CDK14: variants seen among roughly 807,000 people sequenced by gnomAD.
CDK14 encodes cyclin dependent kinase 14, also known as cyclin-dependent kinase 14.
In CDK14, 34 loss-of-function variants were observed where a neutral mutation model predicts 60.7. The observed-to-expected ratio is 0.56, with a 90% CI of 0.43 to 0.75. The LOEUF is 0.75. Among genes scored for constraint, CDK14 ranks in the 30% least tolerant of loss-of-function variants. The pLI, the probability that CDK14 is intolerant of heterozygous loss-of-function variation, is 0.00. For missense variants in CDK14, 482 were observed against 564.1 expected (o/e 0.85, Z 1.47); for synonymous variants, 197 against 203.7 (o/e 0.97, Z 0.28).
intron 14 of CDK14, among the ~76,000 whole-genome samples, chr7:91,139,377 T>G (rs1419319276): frequency 6.6e-6 from 1 of 152,194 alleles, no homozygotes; most frequent in Non-Finnish European, 1.5e-5. Context: ...TATGTGTGCA[T>G]GTGCATTTAT....
chr7:90,976,981 G>A (rs774784007), intron 9 of CDK14, among the ~76,000 whole-genome samples: 62 of 152,046 alleles, frequency 4.1e-4, no homozygotes, highest in Non-Finnish European at 8.4e-4. Context: ...TTTTACTTTT[G>A]TTGCCTGTGC....
At chr7:90,666,608 C>T (rs1251476438) in intron 2 of CDK14, among the ~76,000 whole-genome samples, 1 of 152,150 alleles carries the variant, frequency 6.6e-6, no homozygotes, top group African/African-American at 2.4e-5. Context: ...CTGTCAATAT[C>T]TTGAGAAATG....
rs536641686 is a variant in CDK14 at position 91,141,799 on chromosome 7, T to G, written c.*28+23591T>G. Among the ~76,000 whole-genome samples the G allele has an allele frequency of 4.2e-3, 636 of 150,086 alleles. 9 individuals are homozygous for G. Among genetic ancestry groups the G allele is most frequent in the African/African-American group, 0.015 (610 of 40,880 alleles). ...CTAGGATTTGCCTAAAACAGTGGGTTTTGTTGTTGTTGTTGTTGTTGTTGT... is the reference window on the plus strand; with the variant it reads ...CTAGGATTTGCCTAAAACAGTGGGTGTTGTTGTTGTTGTTGTTGTTGTTGT... On this transcript the variant is annotated intron_variant, in intron 14 of 14. Transcript: ENST00000380050.
chr7:91,028,200 T>A (rs1796655430), intron 10 of CDK14, among the ~76,000 whole-genome samples: 1 of 151,472 alleles, frequency 6.6e-6, no homozygotes, highest in African/African-American at 2.4e-5. Context: ...TCCAGTTCCA[T>A]CCAAGTTGCT....
intron 2 of CDK14, among the ~76,000 whole-genome samples, chr7:90,696,423 C>T (rs567338757): frequency 6.7e-6 from 1 of 149,734 alleles, no homozygotes; most frequent in Non-Finnish European, 1.5e-5. Flanking sequence ...TCACTGCAAC[C>T]TCCGCCTCCC....
intron 14 of CDK14, among the ~76,000 whole-genome samples, chr7:91,202,460 A>G (rs1245986922): frequency 3.9e-5 from 6 of 152,214 alleles, no homozygotes; most frequent in Non-Finnish European, 5.9e-5. Flanking sequence ...TGTGTTGTGC[A>G]TGCAACATGT....
chr7:91,052,005 G>A (rs904263618), intron 11 of CDK14, among the ~76,000 whole-genome samples: 7 of 152,136 alleles, frequency 4.6e-5, no homozygotes, highest in African/African-American at 1.2e-4. Context: ...AGATCAGGGC[G>A]GAATACACGT....
At chr7:91,125,678 G>GA (rs1408464176) in intron 14 of CDK14, among the ~76,000 whole-genome samples, 14 of 150,070 alleles carry the variant, frequency 9.3e-5, no homozygotes, top group South Asian at 2.1e-4. Context: ...ACACAATCTA[G>GA]AAAAAAAAAT....
intron 2 of CDK14, among the ~76,000 whole-genome samples, chr7:90,694,488 A>G (rs1206941991): frequency 6.6e-6 from 1 of 152,186 alleles, no homozygotes; most frequent in Admixed American, 6.5e-5. Flanking sequence ...CAGGACTTTT[A>G]ATATGCCCCT....
intron 2 of CDK14, among the ~76,000 whole-genome samples, chr7:90,660,538 C>T (rs1800847440): frequency 6.6e-6 from 1 of 152,188 alleles, no homozygotes; most frequent in Non-Finnish European, 1.5e-5. Flanking sequence ...GTGTTCCTGG[C>T]ACCCTGCTAA....
Position 90,792,561 on chromosome 7 carries a change from A to G in CDK14, c.544+1909A>G, listed in dbSNP as rs975852279. ...CCCTGTATTAGTAATAGCAGCATCC[A>G]GTGCTTCCTCTACCCAAATCTAGCC... On this transcript the variant is annotated intron_variant, in intron 5 of 14. Transcript: ENST00000380050. 7.9e-5 allele frequency among the ~76,000 whole-genome samples: 12 copies of G among 152,168 alleles called. No homozygotes were observed. In the South Asian group the frequency reaches 2.3e-3, roughly 29 times the overall value.
chr7:91,050,908 C>T (rs773270473), intron 11 of CDK14, among the ~76,000 whole-genome samples: 1 of 152,176 alleles, frequency 6.6e-6, no homozygotes, highest in Non-Finnish European at 1.5e-5. Flanking sequence ...TCCCATGTCT[C>T]CGTGGGTCTT....
chr7:90,659,837 T>TTCTCTCTCTCTC (rs58582287), intron 2 of CDK14, among the ~76,000 whole-genome samples: 1,228 of 110,056 alleles, frequency 0.011, 6 homozygotes, highest in East Asian at 0.043. Flanking sequence ...CAGGGAATGC[T>TTCTCTCTCTCTC]TCTCTCTCTC....
chr7:91,071,798 A>G (rs1351657346), intron 11 of CDK14, among the ~76,000 whole-genome samples: 1 of 152,200 alleles, frequency 6.6e-6, no homozygotes, highest in Admixed American at 6.5e-5. Flanking sequence ...AGCCATCTCT[A>G]TAGCTCTAGG....
intron 14 of CDK14, among the ~76,000 whole-genome samples, chr7:91,134,127 G>A (rs1365736093): frequency 6.6e-6 from 1 of 152,076 alleles, no homozygotes; most frequent in Non-Finnish European, 1.5e-5. Flanking sequence ...TTTTGTGGGG[G>A]GAGGGCATTG....
At chr7:91,186,442 G>A (rs2115913138) in intron 14 of CDK14, among the ~76,000 whole-genome samples, 1 of 151,254 alleles carries the variant, frequency 6.6e-6, no homozygotes, top group South Asian at 2.1e-4. Context: ...ACATTAAAGT[G>A]GCTGCATAGT....
At chr7:91,078,259 A>C (rs1173113330) in intron 11 of CDK14, among the ~76,000 whole-genome samples, 1 of 152,222 alleles carries the variant, frequency 6.6e-6, no homozygotes, top group Non-Finnish European at 1.5e-5. Context: ...CAATGGGAGA[A>C]CAGTTAAATA....
At chr7:90,766,148 G>T (rs906630019) in intron 4 of CDK14, among the ~76,000 whole-genome samples, 1 of 150,170 alleles carries the variant, frequency 6.7e-6, no homozygotes, top group African/African-American at 2.5e-5. Context: ...TTTCTTCTTT[G>T]CTCCATTTTC....
intron 5 of CDK14, among the ~76,000 whole-genome samples, chr7:90,828,646 A>G (rs1054464817): frequency 2.6e-5 from 4 of 152,080 alleles, no homozygotes; most frequent in African/African-American, 9.7e-5. Context: ...AATGACAGCT[A>G]TGTCTGACTG....
Sources: allele counts gnomAD v4.1 joint callset (sites outside exome capture counted in the v4.1 genomes callset), GRCh38; gene constraint gnomAD v4.1.1; transcripts MANE v1.5; gene names NCBI Gene and HGNC (gene_info 2026-07-23, HGNC 2026-07-21).